RUFY4: variants seen among roughly 807,000 people sequenced by gnomAD.
RUFY4 encodes the protein RUN and FYVE domain-containing protein 4.
RUFY4 carries 73 observed loss-of-function variants against 69.0 expected under a neutral mutation model. That is an observed-to-expected ratio of 1.06 (90% CI 0.88 to 1.29). The LOEUF is 1.29. Ranked by LOEUF, RUFY4 falls within the 50% of genes most tolerant of loss-of-function variation. The pLI is 0.00. For missense variants in RUFY4, 770 were observed against 705.6 expected (o/e 1.09, Z -1.03); for synonymous variants, 287 against 271.8 (o/e 1.06, Z -0.55).
At chr2:218,072,792 T>C (rs1326912717) in exon 4 of RUFY4, 1 of 1,531,440 alleles carries the variant, frequency 6.5e-7, no homozygotes, top group Admixed American at 2.0e-5. Context: ...AAGACCCCTC[T>C]GGGGAAAGGC....
chr2:218,067,459 G>A (rs1689367668), upstream of RUFY4, among the ~76,000 whole-genome samples: 1 of 152,184 alleles, frequency 6.6e-6, no homozygotes, highest in South Asian at 2.1e-4. Context: ...CAAGAACGAG[G>A]GTATCACACC....
chr2:218,042,496 T>C (rs931653101), intron 2 of RUFY4, among the ~76,000 whole-genome samples: 3 of 152,170 alleles, frequency 2.0e-5, no homozygotes, highest in Admixed American at 2.0e-4. Flanking sequence ...CAGAGGCTAG[T>C]TAGTTGAGAT....
chr2:218,060,792 A>G, intron 3 of RUFY4: 2 of 1,581,158 alleles, frequency 1.3e-6, no homozygotes, highest in Non-Finnish European at 1.7e-6. Context: ...GATCCGTAAC[A>G]GCATCCACCA....
intron 2 of RUFY4, among the ~76,000 whole-genome samples, chr2:218,044,776 C>G (rs529526844): frequency 2.0e-5 from 3 of 152,270 alleles, no homozygotes; most frequent in African/African-American, 7.2e-5. Flanking sequence ...TGATCTCATT[C>G]TTTTTTATGG....
intron 2 of RUFY4, among the ~76,000 whole-genome samples, chr2:218,050,235 T>C (rs1422414934): frequency 6.6e-6 from 1 of 152,222 alleles, no homozygotes; most frequent in Non-Finnish European, 1.5e-5. Flanking sequence ...TGAGAGCTTT[T>C]CTTCTGTCAC....
intron 9 of RUFY4, among the ~76,000 whole-genome samples, chr2:218,087,867 A>T (rs1358097810): frequency 6.6e-6 from 1 of 152,140 alleles, no homozygotes; most frequent in African/African-American, 2.4e-5. Flanking sequence ...CCAATAGAGG[A>T]ACCAAAAATA....
chr2:218,057,903 T>A (rs77233543), intron 2 of RUFY4, among the ~76,000 whole-genome samples: 4 of 152,246 alleles, frequency 2.6e-5, no homozygotes, highest in Admixed American at 6.5e-5. Flanking sequence ...AACTAATGAA[T>A]TCCCTATTGA....
intron 2 of RUFY4, among the ~76,000 whole-genome samples, chr2:218,039,936 G>A (rs1453886346): frequency 2.0e-5 from 3 of 152,124 alleles, no homozygotes; most frequent in Non-Finnish European, 4.4e-5. Context: ...TTGTCCAAAC[G>A]CAGCTCAAGT....
At chr2:218,073,658 C>T (rs527282407) in intron 5 of RUFY4, among the ~76,000 whole-genome samples, 158 bp from the exon 8 acceptor site, 1 of 151,858 alleles carries the variant, frequency 6.6e-6, no homozygotes, top group South Asian at 2.1e-4. Flanking sequence ...AGGGAAAGTA[C>T]GGATGAATGG....
At chr2:218,075,483 G>C in exon 7 of RUFY4, 6 of 1,594,608 alleles carry the variant, frequency 3.8e-6, no homozygotes, top group East Asian at 2.2e-5. Flanking sequence ...AACAACAGAG[G>C]GGACTCACAA....
chr2:218,072,077 T>G (rs935309045), intron 2 of RUFY4, among the ~76,000 whole-genome samples: 2 of 151,958 alleles, frequency 1.3e-5, no homozygotes, highest in Non-Finnish European at 2.9e-5. Context: ...TATCAAGATG[T>G]AAGTTCCATG....
intron 2 of RUFY4, among the ~76,000 whole-genome samples, chr2:218,049,533 T>A (rs930479393): frequency 6.6e-5 from 10 of 151,444 alleles, no homozygotes; most frequent in Non-Finnish European, 1.2e-4. Flanking sequence ...TTAGATGGAG[T>A]TTCACTCTTG....
exon 1 of RUFY4, chr2:218,035,012 G>A (rs906841213): frequency 6.6e-6 from 1 of 152,320 alleles, no homozygotes; most frequent in Admixed American, 6.5e-5. Context: ...GCCCCCATTT[G>A]GCCAACAGGT....
chr2:218,083,344 A>G (rs1689813099), intron 9 of RUFY4, 88 bp downstream of exon 11: 3 of 1,483,124 alleles, frequency 2.0e-6, no homozygotes, highest in Non-Finnish European at 2.7e-6. Flanking sequence ...TACTCCACTC[A>G]CAACTCCCAA....
intron 2 of RUFY4, among the ~76,000 whole-genome samples, chr2:218,057,520 G>A (rs1689089707): frequency 6.6e-6 from 1 of 151,920 alleles, no homozygotes; most frequent in Non-Finnish European, 1.5e-5. Flanking sequence ...ATTTTTTAAG[G>A]TTCTTCTTTA....
At chr2:218,050,182 C>T (rs147458397) in intron 2 of RUFY4, among the ~76,000 whole-genome samples, 2 of 152,334 alleles carry the variant, frequency 1.3e-5, no homozygotes, top group Non-Finnish European at 2.9e-5. Context: ...CCAGACTCAG[C>T]CTCACAGATG....
upstream of RUFY4, among the ~76,000 whole-genome samples, chr2:218,070,094 TA>T (rs1689448070): frequency 6.6e-6 from 1 of 152,128 alleles, no homozygotes. Flanking sequence ...CAGGCAAGGC[TA>T]GGGGCACTCC....
At chr2:218,072,562 T>C in intron 3 of RUFY4, 63 bp downstream of exon 5, 1 of 1,520,464 alleles carries the variant, frequency 6.6e-7, no homozygotes, top group South Asian at 1.2e-5. Context: ...CTCCTCCTTT[T>C]CCCCCACCCT....
chr2:218,050,694 T>C (rs1688924495), intron 2 of RUFY4, among the ~76,000 whole-genome samples: 3 of 152,232 alleles, frequency 2.0e-5, no homozygotes, highest in Admixed American at 2.0e-4. Flanking sequence ...AGCCAGACAG[T>C]GTTATATTTG....
Sources: allele counts gnomAD v4.1 joint callset (sites outside exome capture counted in the v4.1 genomes callset), GRCh38; gene constraint gnomAD v4.1.1; transcripts MANE v1.5; gene names NCBI Gene and HGNC (gene_info 2026-07-23, HGNC 2026-07-21).